TANGO6: variants seen among roughly 807,000 people sequenced by gnomAD.
The protein encoded by TANGO6 is transport and Golgi organization protein 6 homolog.
TANGO6 carries 90 observed loss-of-function variants against 114.2 expected under a neutral mutation model. That is an observed-to-expected ratio of 0.79 (90% CI 0.66 to 0.94). The LOEUF is 0.94. Ranked by LOEUF, TANGO6 falls within the 40% of genes least tolerant of loss-of-function variation. The pLI is 0.00. For synonymous variants in TANGO6, 477 were observed against 509.8 expected (o/e 0.94, Z 0.87); for missense variants, 1,274 against 1,315.3 (o/e 0.97, Z 0.49).
At position 68,867,185 on chromosome 16, in the gene TANGO6, AG is replaced by A. The variant is rs1376012900; in HGVS notation, c.961del (p.Ala321GlnfsTer2). On this transcript the variant is annotated frameshift_variant, in exon 4 of 18. Transcript: ENST00000261778. LOFTEE classifies it high-confidence loss of function. ...SERLMRPNGV[Q>X]AVVRGILEGA... ...AGGTTAATGAGACCTAATGGTGTTC[AG>A]GCAGTAGTCCGGGGCATTTTGGAAG... The A allele has an allele frequency of 5.0e-6, 8 of 1,613,918 alleles. No individual in the cohort carries two copies. Among genetic ancestry groups the A allele is most frequent in the Non-Finnish European group, 6.8e-6 (8 of 1,179,860 alleles).
chr16:69,022,376 A>G (rs1185308925), intron 15 of TANGO6, among the ~76,000 whole-genome samples: 1 of 152,130 alleles, frequency 6.6e-6, no homozygotes, highest in East Asian at 1.9e-4. Context: ...CTTCTGGAGC[A>G]TGATTTTTAA....
chr16:68,994,657 C>G (rs1479066596), intron 15 of TANGO6, among the ~76,000 whole-genome samples: 1 of 151,484 alleles, frequency 6.6e-6, no homozygotes, highest in Non-Finnish European at 1.5e-5. Flanking sequence ...TCACTGCAGT[C>G]TCTACCTCCT....
chr16:68,919,196 G>C lies in TANGO6; in HGVS notation c.2104G>C (p.Val702Leu), dbSNP rs765032590. 1 of 1,612,828 alleles carries C rather than the reference G, an allele frequency of 6.2e-7. No individual in the cohort carries two copies. Among genetic ancestry groups the C allele is most frequent in the Non-Finnish European group, 8.5e-7 (1 of 1,179,538 alleles). ...TLSMSMGLVA[V>L]MLGGAVQLKS... is the part of the protein sequence containing the mutation. ...GAGCATGTCCATGGGGCTGGTGGCT[G>C]TCATGCTAGGAGGAGCTGTTCAGGT... is the stretch of plus-strand genomic sequence containing the variant. The change falls in exon 12 of 18, where the codon GTC becomes CTC. Residue 702 changes from valine to leucine, a missense_variant. By Grantham distance (32) the Val-to-Leu change is conservative (BLOSUM62 1). This residue lies in a region of TANGO6 where 908 missense variants were observed against 910.2 expected (regional missense o/e 1.00). Coordinates refer to ENST00000261778, the MANE Select transcript of TANGO6 (RefSeq NM_024562.2).
chr16:69,064,234 C>T (rs1960181702), intron 17 of TANGO6, among the ~76,000 whole-genome samples: 1 of 152,186 alleles, frequency 6.6e-6, no homozygotes, highest in Non-Finnish European at 1.5e-5. Context: ...TTACCAGAGC[C>T]TCTGATGTGT....
At chr16:68,957,053 C>T (rs906126274) in intron 14 of TANGO6, among the ~76,000 whole-genome samples, 2 of 152,084 alleles carry the variant, frequency 1.3e-5, no homozygotes, top group African/African-American at 4.8e-5. Flanking sequence ...AAGGCCCCTT[C>T]ATCCTAGACC....
intron 1 of TANGO6, among the ~76,000 whole-genome samples, chr16:68,848,151 A>G (rs991129485): frequency 6.6e-5 from 10 of 152,054 alleles, no homozygotes; most frequent in South Asian, 2.1e-4. Flanking sequence ...CCGGGAGTAC[A>G]GTGACTATTC....
chr16:69,032,887 AAAAAG>A (rs1216498900), intron 16 of TANGO6, among the ~76,000 whole-genome samples: 7 of 150,904 alleles, frequency 4.6e-5, no homozygotes, highest in African/African-American at 1.2e-4. Flanking sequence ...AAAAAAAAAA[AAAAAG>A]AAAGTTACTG....
chr16:68,914,100 G>T (rs1217671087), intron 11 of TANGO6, among the ~76,000 whole-genome samples: 4 of 152,184 alleles, frequency 2.6e-5, no homozygotes, highest in African/African-American at 7.2e-5. Flanking sequence ...CTACTGTGAG[G>T]ATTAAATGTG....
rs554741271 is a variant in TANGO6, at chr16:68,872,718, T to C, written c.995-2436T>C. Among the ~76,000 whole-genome samples, 49 of 151,020 alleles carry C rather than the reference T, an allele frequency of 3.2e-4. 1 individual carries two copies. The highest frequency in any genetic ancestry group is 1.2e-3 in the African/African-American group (49 of 41,138). On this transcript the variant is annotated intron_variant, in intron 4 of 17. Coordinates refer to ENST00000261778, the MANE Select transcript of TANGO6 (RefSeq NM_024562.2). ...CACATACCATAGAACGGTGGCGCGA[T>C]CTCAGCTCACTGCAACTTCCCAGGC...
rs1207903950 is a variant in TANGO6, at chr16:68,859,917, A to G, written c.128A>G (p.His43Arg). ...SGSSSLQVTKHDVLLATLKSN... is the reference protein window; with the variant it reads ...SGSSSLQVTKRDVLLATLKSN... The stretch of plus-strand genomic sequence containing the variant: ...TCAAGTTCACTACAGGTCACAAAAC[A>G]TGATGTCTTGTTGGCTACTTTAAAA... The change falls in exon 2 of 18, where the codon CAT (histidine) becomes CGT (arginine). Residue 43 changes from histidine (H) to arginine (R), a missense_variant. His to Arg is a conservative substitution (Grantham distance 29). Transcript: ENST00000261778. 8.8e-6 allele frequency: 14 copies of G among 1,598,446 alleles called. No individual in the cohort carries two copies. The African/African-American group carries it at 1.2e-4, about 14-fold the overall frequency.
At chr16:68,900,609 TG>T in intron 8 of TANGO6, 63 bp downstream of exon 8, 1 of 1,320,554 alleles carries the variant, frequency 7.6e-7, no homozygotes. Flanking sequence ...ATGTTGTTTT[TG>T]TTCTTATTTT....
chr16:69,064,277 ACT>A (rs2152241219), intron 17 of TANGO6, among the ~76,000 whole-genome samples: 1 of 152,152 alleles, frequency 6.6e-6, no homozygotes, highest in Admixed American at 6.6e-5. Context: ...CTTTGATCCT[ACT>A]GTAGCACCTT....
At chr16:69,057,700 A>G (rs1960054142) in intron 17 of TANGO6, among the ~76,000 whole-genome samples, 2 of 152,194 alleles carry the variant, frequency 1.3e-5, no homozygotes, top group Non-Finnish European at 2.9e-5. Context: ...AAAGGAAAAG[A>G]GGCCAGACCA....
chr16:68,924,095 TA>T (rs1368358693), intron 12 of TANGO6, among the ~76,000 whole-genome samples: 1 of 152,194 alleles, frequency 6.6e-6, no homozygotes, highest in Non-Finnish European at 1.5e-5. Context: ...TCAAACTGGC[TA>T]AAAAAGCCCT....
At position 68,900,767 on chromosome 16, in the gene TANGO6, C is replaced by G. The variant is rs181267819; in HGVS notation, c.1490+221C>G. Reference sequence around the variant, plus strand: ...CAGTTTTTAGAATGACTTTCCTCAGCCTCTGTCCTAAATCTCAAAGACAAA... The same window carrying G: ...CAGTTTTTAGAATGACTTTCCTCAGGCTCTGTCCTAAATCTCAAAGACAAA... On this transcript the variant is annotated intron_variant, in intron 8 of 17. Coordinates refer to ENST00000261778, the MANE Select transcript of TANGO6 (RefSeq NM_024562.2). Among the ~76,000 whole-genome samples, 4 of 152,292 alleles carry G rather than the reference C, an allele frequency of 2.6e-5. No homozygotes were observed. In the East Asian group the frequency reaches 7.7e-4, roughly 29 times the overall value.
chr16:68,916,110 TA>T (rs1449301101), intron 11 of TANGO6, among the ~76,000 whole-genome samples: 7 of 152,190 alleles, frequency 4.6e-5, no homozygotes, highest in Admixed American at 4.6e-4. Flanking sequence ...AAATGCTATA[TA>T]AAATCTTGTC....
chr16:69,027,670 T>C (rs935500407), intron 16 of TANGO6, among the ~76,000 whole-genome samples: 1 of 152,168 alleles, frequency 6.6e-6, no homozygotes, highest in Non-Finnish European at 1.5e-5. Context: ...CTGAAATGAT[T>C]CCCACATTTT....
rs777911103 is a variant in TANGO6, at chr16:69,063,456, C to T, written c.3109-20029C>T. On this transcript the variant is annotated intron_variant, in intron 17 of 17. Coordinates refer to ENST00000261778, the MANE Select transcript of TANGO6 (RefSeq NM_024562.2). ...AGGAGAATGGCGTGAACCCCGGGGG[C>T]GGAGATTGCAGTGAACCGAGATCGC... Among the ~76,000 whole-genome samples, 102 of 150,934 alleles carry T rather than the reference C, an allele frequency of 6.8e-4. 1 individual carries two copies. The highest frequency in any genetic ancestry group is 1.3e-3 in the Admixed American group (20 of 15,126).
intron 17 of TANGO6, among the ~76,000 whole-genome samples, chr16:69,047,171 ACT>A (rs1262162204): frequency 8.6e-6 from 1 of 116,022 alleles, no homozygotes; most frequent in Non-Finnish European, 1.8e-5. Context: ...ACAGAGTGAG[ACT>A]CTGTCTCAAA....
Sources: allele counts gnomAD v4.1 joint callset (sites outside exome capture counted in the v4.1 genomes callset), GRCh38; gene constraint gnomAD v4.1.1; regional missense constraint gnomAD v4.1.1; transcripts MANE v1.5; gene names NCBI Gene and HGNC (gene_info 2026-07-23, HGNC 2026-07-21).